The following EEFSEC variants were observed in gnomAD, a reference collection of about 807,000 sequenced individuals.
EEFSEC encodes selenocysteine-specific elongation factor.
Under a neutral mutation model 42.1 loss-of-function variants are expected in EEFSEC, and 43 were observed. The ratio of observed to expected loss-of-function variants is 1.02; its 90% CI spans 0.80 to 1.32. The LOEUF is 1.32. Ranked by LOEUF, EEFSEC falls within the 40% of genes most tolerant of loss-of-function variation. The probability of loss-of-function intolerance (pLI) is 0.00; values close to 1 mark genes in which losing one functional copy is unlikely to be tolerated. For synonymous variants in EEFSEC, 354 were observed against 339.1 expected (o/e 1.04, Z -0.48); for missense variants, 745 against 803.6 (o/e 0.93, Z 0.88).
At chr3:128,396,851 G>A (rs2067986897) in intron 6 of EEFSEC, among the ~76,000 whole-genome samples, 1 of 152,218 alleles carries the variant, frequency 6.6e-6, no homozygotes, top group South Asian at 2.1e-4. Flanking sequence ...TGATTGTTGA[G>A]AACTGGCTGG....
intron 1 of EEFSEC, among the ~76,000 whole-genome samples, chr3:128,185,303 C>T (rs1275196881): frequency 6.6e-6 from 1 of 151,958 alleles, no homozygotes; most frequent in East Asian, 1.9e-4. Context: ...ATTTATTCAT[C>T]ATTTTATAAC....
At chr3:128,323,262 A>C (rs987413946) in intron 4 of EEFSEC, among the ~76,000 whole-genome samples, 1 of 152,140 alleles carries the variant, frequency 6.6e-6, no homozygotes, top group African/African-American at 2.4e-5. Context: ...TCTCTTGCAT[A>C]TGGGAAATGG....
intron 1 of EEFSEC, among the ~76,000 whole-genome samples, chr3:128,246,464 T>A (rs886595494): frequency 3.9e-5 from 6 of 152,198 alleles, no homozygotes; most frequent in African/African-American, 1.4e-4. Flanking sequence ...TACGAAACTT[T>A]TTTTTTTCCC....
intron 5 of EEFSEC, among the ~76,000 whole-genome samples, chr3:128,351,036 G>A (rs1036311987): frequency 4.6e-5 from 7 of 152,220 alleles, no homozygotes; most frequent in African/African-American, 1.7e-4. Context: ...TGATCAGGCA[G>A]CCTCTGAGTT....
At chr3:128,416,773 A>G in the EEFSEC span, among the ~76,000 whole-genome samples, 1 of 152,148 alleles carries the variant, frequency 6.6e-6, no homozygotes, top group African/African-American at 2.4e-5. Flanking sequence ...GAAGGGAATG[A>G]GGTCCACAGC....
intron 4 of EEFSEC, among the ~76,000 whole-genome samples, chr3:128,319,773 C>A (rs2066987583): frequency 6.6e-6 from 1 of 152,256 alleles, no homozygotes. Flanking sequence ...TGTCCCTGCA[C>A]TGTGCTGCCA....
rs759658891 is a variant in EEFSEC, at chr3:128,264,813, C to A, written c.786+32C>A. 4 of 1,598,238 alleles carry A rather than the reference C, an allele frequency of 2.5e-6. No homozygotes were observed. The South Asian group carries it at 4.5e-5, about 18-fold the overall frequency. On this transcript the variant is annotated intron_variant, in intron 4 of 6. Transcript: ENST00000254730. ...CTTACCTTGTCTTCCCTTCTGGCCTCCTCGCTGGCAGCAAGGGAGGGGGAC... is the reference window on the plus strand; with the variant it reads ...CTTACCTTGTCTTCCCTTCTGGCCTACTCGCTGGCAGCAAGGGAGGGGGAC...
At chr3:128,250,510 C>A (rs1374525022) in intron 2 of EEFSEC, among the ~76,000 whole-genome samples, 1 of 152,086 alleles carries the variant, frequency 6.6e-6, no homozygotes, top group Admixed American at 6.5e-5. Flanking sequence ...AAAAGATTGT[C>A]TTTTCCCCTT....
chr3:128,402,516 G>A (rs1376418192), intron 6 of EEFSEC, among the ~76,000 whole-genome samples: 1 of 152,194 alleles, frequency 6.6e-6, no homozygotes, highest in Non-Finnish European at 1.5e-5. Flanking sequence ...CAGATAGCCT[G>A]GCGTTCCCGC....
chr3:128,186,200 A>G (rs2065463369), intron 1 of EEFSEC, among the ~76,000 whole-genome samples: 1 of 152,170 alleles, frequency 6.6e-6, no homozygotes, highest in South Asian at 2.1e-4. Flanking sequence ...GATATTTAGC[A>G]TCTTTTCATG....
intron 1 of EEFSEC, among the ~76,000 whole-genome samples, chr3:128,171,297 C>T (rs1194586987): frequency 6.6e-6 from 1 of 152,174 alleles, no homozygotes; most frequent in African/African-American, 2.4e-5. Context: ...TTGCTGCTTG[C>T]TATCTTTTTT....
At chr3:128,335,607 G>C (rs1258895562) in intron 4 of EEFSEC, among the ~76,000 whole-genome samples, 1 of 152,214 alleles carries the variant, frequency 6.6e-6, no homozygotes, top group Non-Finnish European at 1.5e-5. Context: ...AAGGACTTCA[G>C]CTTTTACAGA....
intron 1 of EEFSEC, among the ~76,000 whole-genome samples, chr3:128,215,381 C>CT (rs2065799615): frequency 6.6e-6 from 1 of 152,044 alleles, no homozygotes. Flanking sequence ...GTCTATGTGA[C>CT]TTTGGATAAA....
downstream of EEFSEC, among the ~76,000 whole-genome samples, chr3:128,413,353 C>T (rs754356223): frequency 1.1e-4 from 16 of 152,148 alleles, no homozygotes; most frequent in Non-Finnish European, 2.1e-4. Context: ...GTGGGGGAGA[C>T]GGAGACCCTG....
chr3:128,367,047 G>T (rs1241729619), intron 6 of EEFSEC, among the ~76,000 whole-genome samples: 1 of 152,156 alleles, frequency 6.6e-6, no homozygotes, highest in Non-Finnish European at 1.5e-5. Flanking sequence ...CCTTCTCCCT[G>T]TGTCCTCACA....
Position 128,358,104 on chromosome 3 carries a change from G to A in EEFSEC, c.1444-113G>A, listed in dbSNP as rs1461698149. 5.7e-6 allele frequency: 8 copies of A among 1,413,786 alleles called. No homozygotes were observed. The East Asian group carries it at 1.9e-4, about 33-fold the overall frequency. 87.6% of individuals were successfully genotyped at this position (1,413,786 alleles called of 1,614,324 possible). On this transcript the variant is annotated intron_variant, in intron 5 of 6. Coordinates refer to ENST00000254730, the MANE Select transcript of EEFSEC (RefSeq NM_021937.5). ...GCTACCCACAGGGTTCCTAGAGCGG[G>A]CAGCAGCCAGCCATGCCTAGGGCCC...
intron 6 of EEFSEC, among the ~76,000 whole-genome samples, chr3:128,362,004 CACGGTCTGTCTGTG>C (rs2067531768): frequency 1.3e-5 from 2 of 152,220 alleles, no homozygotes; most frequent in South Asian, 4.1e-4. Flanking sequence ...GGGCTTTGCC[CACGGTCTGTCTGTG>C]TCACCTCACC....
intron 4 of EEFSEC, among the ~76,000 whole-genome samples, chr3:128,300,918 A>G (rs2066760240): frequency 6.6e-6 from 1 of 150,828 alleles, no homozygotes; most frequent in African/African-American, 2.4e-5. Context: ...ATGCTTGGGT[A>G]TTTTTTTTTG....
intron 2 of EEFSEC, among the ~76,000 whole-genome samples, chr3:128,257,659 A>T (rs1397961034): frequency 6.6e-6 from 1 of 152,258 alleles, no homozygotes; most frequent in African/African-American, 2.4e-5. Flanking sequence ...TAGTTTTCAT[A>T]GAAACAGCTA....
Sources: gnomAD v4.1 joint callset for allele counts (sites outside exome capture counted in the v4.1 genomes callset) on GRCh38, gnomAD v4.1.1 for gene constraint, MANE v1.5 for transcripts, NCBI Gene and HGNC (gene_info 2026-07-23, HGNC 2026-07-21) for gene names.